KCNQ1: variants seen among roughly 807,000 people sequenced by gnomAD.
The protein encoded by KCNQ1 is potassium voltage-gated channel subfamily KQT member 1.
Under a neutral mutation model 72.4 loss-of-function variants are expected in KCNQ1, and 49 were observed. The ratio of observed to expected loss-of-function variants is 0.68; its 90% confidence interval spans 0.54 to 0.86. The LOEUF (loss-of-function observed/expected upper bound fraction) is 0.86. Ranked by LOEUF, KCNQ1 falls within the 40% of genes least tolerant of loss-of-function variation. KCNQ1 has a pLI of 0.00. For synonymous variants in KCNQ1, 450 were observed against 412.6 expected (o/e 1.09, Z -1.10); for missense variants, 790 against 945.1 (o/e 0.84, Z 2.15).
Position 2,611,924 on chromosome 11 carries a change from C to A in KCNQ1, c.1393+23070C>A. The A allele has an allele frequency of 2.5e-6, 1 of 398,564 alleles. No individual in the cohort carries two copies. Among genetic ancestry groups the A allele is most frequent in the South Asian group, 1.3e-4 (1 of 7,846 alleles). 24.7% of individuals were successfully genotyped at this position (398,564 alleles called of 1,614,324 possible). A position where few individuals can be genotyped will look rare whatever the true frequency, so the allele number is the denominator to read the frequency against. ...AATAAGCAGCTTAAGCAAAAACAAT[C>A]TGCTTCAGGTTAATAATCTACTCAA... On this transcript the variant is annotated intron_variant, in intron 10 of 15. Coordinates refer to ENST00000155840, the MANE Select transcript of KCNQ1 (RefSeq NM_000218.3). This position sits in a 1 kb window ranked among gnomAD's most constrained non-coding sequence, Gnocchi z 5.3.
chr11:2,507,023 T>C lies in KCNQ1; in HGVS notation c.387-20905T>C, dbSNP rs1564800579. ...GGTCACTTGTCTTTGACTTTGCTTA[T>C]GGTGCTTTTTGCTATGAGAAATTTC... On this transcript the variant is annotated intron_variant, in intron 1 of 15. Coordinates refer to ENST00000155840, the MANE Select transcript of KCNQ1 (RefSeq NM_000218.3). The surrounding 1 kb of genome is among the most constrained non-coding windows in gnomAD (Gnocchi z 5.4). Among the ~76,000 whole-genome samples, 1 of 152,232 alleles carries C rather than the reference T, an allele frequency of 6.6e-6. No homozygotes were observed. The highest frequency in any genetic ancestry group is 2.4e-5 in the African/African-American group (1 of 41,460).
intron 2 of KCNQ1, among the ~76,000 whole-genome samples, chr11:2,552,669 C>A (rs58575741): frequency 7.9e-5 from 12 of 152,112 alleles, no homozygotes; most frequent in African/African-American, 2.9e-4. Context: ...CTTAGTAATA[C>A]CGAGTTTTCT....
chr11:2,770,385 A>G (rs1379321623), intron 12 of KCNQ1, among the ~76,000 whole-genome samples: 1 of 152,106 alleles, frequency 6.6e-6, no homozygotes, highest in Non-Finnish European at 1.5e-5. Context: ...GCCCCCAGCA[A>G]CCCCAGGCCA....
intron 15 of KCNQ1, among the ~76,000 whole-genome samples, chr11:2,846,775 T>C (rs12419030): frequency 0.4 from 60,541 of 152,194 alleles, 12,930 homozygotes; most frequent in East Asian, 0.86. Flanking sequence ...AGCTCTCAGA[T>C]CACCTGGCTG....
At chr11:2,802,252 A>G (rs1425116128) in intron 15 of KCNQ1, among the ~76,000 whole-genome samples, 2 of 152,286 alleles carry the variant, frequency 1.3e-5, no homozygotes, top group East Asian at 3.9e-4. Flanking sequence ...CTGTCCTCAC[A>G]GTGACAGAGC....
rs1848824776 is a variant in KCNQ1, at chr11:2,602,722, T to C, written c.1393+13868T>C. Among the ~76,000 whole-genome samples, 1 of 152,260 alleles carries C rather than the reference T, an allele frequency of 6.6e-6. No homozygotes were observed. The highest frequency in any genetic ancestry group is 1.5e-5 in the Non-Finnish European group (1 of 68,040). On this transcript the variant is annotated intron_variant, in intron 10 of 15. Transcript: ENST00000155840. The surrounding 1 kb of genome is among the most constrained non-coding windows in gnomAD (Gnocchi z 4.8). ...GTGCCTGTTTGCCATTTTTGTATTC[T>C]ATGCAGTGAAATTCTTGTTGATATC...
intron 6 of KCNQ1, among the ~76,000 whole-genome samples, chr11:2,575,563 C>A (rs1218823009): frequency 6.6e-6 from 1 of 152,218 alleles, no homozygotes. Context: ...TTTGCAACTG[C>A]GCCCTGAGCA....
intron 11 of KCNQ1, chr11:2,672,146 T>C (rs1350007767): frequency 5.0e-6 from 2 of 398,612 alleles, no homozygotes. Context: ...CTTTGGGCCT[T>C]TCAAAGTTGG....
At position 2,552,669 on chromosome 11, in the gene KCNQ1, C is replaced by T. The variant is rs58575741; in HGVS notation, c.478-17959C>T. ...GGATCTCATACACGTCTTAGTAATACCGAGTTTTCTGATCCACGAACACGG... is the reference window on the plus strand; with the variant it reads ...GGATCTCATACACGTCTTAGTAATATCGAGTTTTCTGATCCACGAACACGG... On this transcript the variant is annotated intron_variant, in intron 2 of 15. Coordinates refer to ENST00000155840, the MANE Select transcript of KCNQ1 (RefSeq NM_000218.3). 7.7e-3 allele frequency among the ~76,000 whole-genome samples: 1,172 copies of T among 152,228 alleles called. 18 individuals carry two copies. The highest frequency in any genetic ancestry group is 0.027 in the African/African-American group (1,119 of 41,530).
intron 15 of KCNQ1, among the ~76,000 whole-genome samples, chr11:2,821,299 G>A (rs1273420481): frequency 1.3e-5 from 2 of 152,254 alleles, no homozygotes; most frequent in African/African-American, 4.8e-5. Flanking sequence ...CTGCAAGCGA[G>A]AGGATGGGAA....
intron 2 of KCNQ1, among the ~76,000 whole-genome samples, chr11:2,560,324 CAG>C (rs1323089170): frequency 5.3e-5 from 2 of 37,644 alleles, no homozygotes; most frequent in South Asian, 1.3e-3. Flanking sequence ...CCTGAGGGAA[CAG>C]GGGGGTGACG....
At position 2,677,792 on chromosome 11, in the gene KCNQ1, C is replaced by G. The variant is rs1352179128; in HGVS notation, c.1514+15711C>G. The G allele has an allele frequency of 1.8e-5, 7 of 398,372 alleles. No homozygotes were observed. Among genetic ancestry groups the G allele is most frequent in the African/African-American group, 2.1e-5 (1 of 48,586 alleles). The allele number at this position is 398,372 out of a possible 1,614,324, so 24.7% of individuals were successfully genotyped here. ...ATCCTCCCTTTCCCCCCATTTCCAG[C>G]AGGATTAAAATGTTCATTTATGTTG... On this transcript the variant is annotated intron_variant, in intron 11 of 15. Transcript: ENST00000155840. This position sits in a 1 kb window ranked among gnomAD's most constrained non-coding sequence, Gnocchi z 4.5.
rs891362708 is a variant in KCNQ1 at position 2,550,021 on chromosome 11, C to G, written c.478-20607C>G. On this transcript the variant is annotated intron_variant, in intron 2 of 15. Coordinates refer to ENST00000155840, the MANE Select transcript of KCNQ1 (RefSeq NM_000218.3). This position sits in a 1 kb window ranked among gnomAD's most constrained non-coding sequence, Gnocchi z 6.0. ...CCAGGGTGCAGGGGACTGTTTGGGCCTCGAGAGGGACGGACCCCAGAACTG... is the reference window on the plus strand; with the variant it reads ...CCAGGGTGCAGGGGACTGTTTGGGCGTCGAGAGGGACGGACCCCAGAACTG... 6.6e-6 allele frequency among the ~76,000 whole-genome samples: 1 copy of G among 152,200 alleles called. No homozygotes were observed. The highest frequency in any genetic ancestry group is 1.5e-5 in the Non-Finnish European group (1 of 68,026).
Position 2,768,700 on chromosome 11 carries a change from A to T in KCNQ1, c.1515-144A>T. ...TCGAGCCCACACTGGGACATGGCCTAAGTATCTCCATCCCATGGAGTTGAA... is the reference window on the plus strand; with the variant it reads ...TCGAGCCCACACTGGGACATGGCCTTAGTATCTCCATCCCATGGAGTTGAA... On this transcript the variant is annotated intron_variant, in intron 11 of 15. Transcript: ENST00000155840. This position sits in a 1 kb window ranked among gnomAD's most constrained non-coding sequence, Gnocchi z 6.7. 1.4e-6 allele frequency: 1 copy of T among 729,182 alleles called. No individual in the cohort carries two copies. Among genetic ancestry groups the T allele is most frequent in the Non-Finnish European group, 2.5e-6 (1 of 399,830 alleles). 45.2% of individuals were successfully genotyped at this position (729,182 alleles called of 1,614,324 possible).
intron 10 of KCNQ1, among the ~76,000 whole-genome samples, chr11:2,596,992 T>C (rs1447343737): frequency 6.6e-6 from 1 of 152,144 alleles, no homozygotes; most frequent in Non-Finnish European, 1.5e-5. Flanking sequence ...GCTAATTTAA[T>C]TGCTATATAA....
intron 15 of KCNQ1, among the ~76,000 whole-genome samples, 155 bp downstream of exon 15, chr11:2,778,192 C>T (rs1022380616): frequency 1.3e-5 from 2 of 152,260 alleles, no homozygotes; most frequent in African/African-American, 4.8e-5. Flanking sequence ...CCAAGAGGGG[C>T]CCAGGCCCAC....
At chr11:2,569,035 G>A (rs1470608459) in intron 2 of KCNQ1, among the ~76,000 whole-genome samples, 4 of 152,042 alleles carry the variant, frequency 2.6e-5, no homozygotes, top group East Asian at 3.9e-4. Flanking sequence ...CAGGGCGTGC[G>A]CCACCATGCC....
At position 2,730,638 on chromosome 11, in the gene KCNQ1, G is replaced by A. The variant is rs1049491545; in HGVS notation, c.1515-38206G>A. ...AGGAGGCAGGTGGACTTTGTCCCTA[G>A]GCATCCAGTGCAGAGGTGAGACCTG... On this transcript the variant is annotated intron_variant, in intron 11 of 15. Coordinates refer to ENST00000155840, the MANE Select transcript of KCNQ1 (RefSeq NM_000218.3). Among the ~76,000 whole-genome samples, 43 of 152,302 alleles carry A rather than the reference G, an allele frequency of 2.8e-4. 1 individual carries two copies. The highest frequency in any genetic ancestry group is 1.0e-3 in the African/African-American group (42 of 41,586).
intron 2 of KCNQ1, among the ~76,000 whole-genome samples, chr11:2,548,809 A>C (rs1368919227): frequency 6.6e-6 from 1 of 152,236 alleles, no homozygotes; most frequent in Non-Finnish European, 1.5e-5. Context: ...ACGCACGTAC[A>C]CACACAGACA....
Sources: allele counts gnomAD v4.1 joint callset (sites outside exome capture counted in the v4.1 genomes callset), GRCh38; gene constraint gnomAD v4.1.1; non-coding constraint Gnocchi (gnomAD v3.1); transcripts MANE v1.5; gene names NCBI Gene and HGNC (gene_info 2026-07-23, HGNC 2026-07-21).